SPAG16: variants seen among roughly 807,000 people sequenced by gnomAD.
The protein encoded by SPAG16 is sperm-associated antigen 16 protein.
Under a neutral mutation model 80.4 loss-of-function variants are expected in SPAG16, and 86 were observed. The observed-to-expected ratio is 1.07, with a 90% confidence interval of 0.90 to 1.28. SPAG16 has a LOEUF of 1.28. Ranked by LOEUF, SPAG16 falls within the 50% of genes most tolerant of loss-of-function variation. The probability of loss-of-function intolerance (pLI) is 0.00; values close to 1 mark genes in which losing one functional copy is unlikely to be tolerated. For synonymous variants in SPAG16, 294 were observed against 265.9 expected, an observed-to-expected ratio of 1.11 and a Z score of -1.03; for missense variants, 870 against 765.3, an observed-to-expected ratio of 1.14 and a Z score of -1.61.
chr2:214,059,264 A>G (rs1489513891), intron 13 of SPAG16, among the ~76,000 whole-genome samples: 1 of 145,582 alleles, frequency 6.9e-6, no homozygotes, highest in African/African-American at 2.5e-5. Flanking sequence ...ATGTATGTAT[A>G]TATATATATA....
intron 15 of SPAG16, among the ~76,000 whole-genome samples, chr2:214,212,018 C>G (rs1204811093): frequency 6.6e-6 from 1 of 152,104 alleles, no homozygotes; most frequent in Non-Finnish European, 1.5e-5. Context: ...CTTGCTAAAG[C>G]CGTTGTCCAG....
intron 12 of SPAG16, among the ~76,000 whole-genome samples, chr2:213,966,755 G>C (rs1303935440): frequency 6.6e-6 from 1 of 152,002 alleles, no homozygotes; most frequent in East Asian, 1.9e-4. Flanking sequence ...CTAATTGCTT[G>C]GTGGCTGCTA....
intron 11 of SPAG16, among the ~76,000 whole-genome samples, chr2:213,904,067 C>G (rs1337952318): frequency 6.6e-6 from 1 of 152,162 alleles, no homozygotes; most frequent in East Asian, 1.9e-4. Context: ...CAAAGCCATT[C>G]AAGTCTCTGG....
At chr2:214,024,805 T>A (rs1394512010) in intron 13 of SPAG16, among the ~76,000 whole-genome samples, 2 of 151,530 alleles carry the variant, frequency 1.3e-5, no homozygotes, top group Non-Finnish European at 3.0e-5. Flanking sequence ...TTTGACTTAT[T>A]TGAATTAAAT....
intron 9 of SPAG16, among the ~76,000 whole-genome samples, chr2:213,473,491 T>C (rs1273589290): frequency 6.6e-6 from 1 of 152,224 alleles, no homozygotes; most frequent in African/African-American, 2.4e-5. Flanking sequence ...TCAGCTAGGA[T>C]GATTAGGTCT....
chr2:213,556,600 T>C (rs1036547174), intron 10 of SPAG16, among the ~76,000 whole-genome samples: 3 of 152,154 alleles, frequency 2.0e-5, no homozygotes, highest in South Asian at 4.1e-4. Context: ...ATAAACCAAA[T>C]ATTAATAGAT....
chr2:213,944,732 T>C (rs1417283939), intron 12 of SPAG16, among the ~76,000 whole-genome samples: 1 of 152,104 alleles, frequency 6.6e-6, no homozygotes, highest in Non-Finnish European at 1.5e-5. Flanking sequence ...AGTTCATATA[T>C]TGAAGCTTAA....
chr2:213,300,643 T>C (rs867965617), intron 3 of SPAG16, among the ~76,000 whole-genome samples: 2 of 152,198 alleles, frequency 1.3e-5, no homozygotes, highest in Non-Finnish European at 2.9e-5. Context: ...TAGTTCTTTT[T>C]CTGTTTTGGA....
intron 15 of SPAG16, among the ~76,000 whole-genome samples, chr2:214,161,182 T>C (rs939811547): frequency 2.0e-5 from 3 of 152,166 alleles, no homozygotes; most frequent in African/African-American, 7.2e-5. Context: ...TGTACAACAT[T>C]TTCTTTATCC....
intron 11 of SPAG16, among the ~76,000 whole-genome samples, chr2:213,875,288 C>T (rs757027744): frequency 1.5e-4 from 23 of 151,908 alleles, no homozygotes; most frequent in Non-Finnish European, 1.5e-4. Flanking sequence ...TGGATGCACT[C>T]ATTGAAAAAA....
chr2:214,155,619 C>A (rs537748817), intron 15 of SPAG16, among the ~76,000 whole-genome samples: 1 of 152,016 alleles, frequency 6.6e-6, no homozygotes, highest in Non-Finnish European at 1.5e-5. Flanking sequence ...AAGACAGACA[C>A]GTGACACCAT....
intron 9 of SPAG16, among the ~76,000 whole-genome samples, chr2:213,392,064 A>G (rs1474541787): frequency 1.3e-5 from 2 of 152,188 alleles, no homozygotes; most frequent in Non-Finnish European, 2.9e-5. Context: ...TAATATCTTT[A>G]TCATAACACC....
At chr2:213,667,910 A>G (rs1323993921) in intron 10 of SPAG16, among the ~76,000 whole-genome samples, 2 of 151,580 alleles carry the variant, frequency 1.3e-5, no homozygotes, top group African/African-American at 4.9e-5. Context: ...ATTATAAACG[A>G]GTGTATTTGA....
chr2:214,300,331 T>TTAAG (rs1694458052), intron 15 of SPAG16, among the ~76,000 whole-genome samples: 1 of 152,186 alleles, frequency 6.6e-6, no homozygotes, highest in South Asian at 2.1e-4. Flanking sequence ...CAGTAATCTT[T>TTAAG]TAAGTAAAAT....
chr2:214,206,189 T>C (rs980852278), intron 15 of SPAG16, among the ~76,000 whole-genome samples: 2 of 151,974 alleles, frequency 1.3e-5, no homozygotes, highest in Admixed American at 6.6e-5. Flanking sequence ...AAAAAATATA[T>C]ATATATTGAT....
chr2:213,796,891 T>G lies in SPAG16; in HGVS notation c.1071-65594T>G, dbSNP rs186216327. ...GGAGGAATTTCAGAAGAAGATATGG[T>G]TATTATGGGTGATGACAGCTGCATG... On this transcript the variant is annotated intron_variant, in intron 10 of 15. Transcript: ENST00000331683. 1.9e-3 allele frequency among the ~76,000 whole-genome samples: 288 copies of G among 151,068 alleles called. 1 individual carries two copies. The highest frequency in any genetic ancestry group is 6.8e-3 in the African/African-American group (283 of 41,356).
intron 3 of SPAG16, among the ~76,000 whole-genome samples, chr2:213,302,771 C>T (rs2062796957): frequency 6.6e-6 from 1 of 152,014 alleles, no homozygotes; most frequent in African/African-American, 2.4e-5. Flanking sequence ...TATTTCTTTT[C>T]TGTGGGAATG....
chr2:213,882,381 T>A (rs1188059038), intron 11 of SPAG16, among the ~76,000 whole-genome samples: 2 of 152,016 alleles, frequency 1.3e-5, no homozygotes, highest in African/African-American at 4.8e-5. Flanking sequence ...GGTCCTCAAT[T>A]TTTGGAATAG....
At chr2:214,172,570 T>C (rs1029275189) in intron 15 of SPAG16, among the ~76,000 whole-genome samples, 2 of 152,144 alleles carry the variant, frequency 1.3e-5, no homozygotes, top group Non-Finnish European at 2.9e-5. Context: ...TACGTGTGCA[T>C]GTGTCCTTAT....
Sources: allele counts gnomAD v4.1 joint callset (sites outside exome capture counted in the v4.1 genomes callset), GRCh38; gene constraint gnomAD v4.1.1; transcripts MANE v1.5; gene names NCBI Gene and HGNC (gene_info 2026-07-23, HGNC 2026-07-21).